The following CDHR1 variants were observed in gnomAD, a reference collection of about 807,000 sequenced individuals.
CDHR1 encodes the protein cadherin-related family member 1.
Under a neutral mutation model 72.1 loss-of-function variants are expected in CDHR1, and 61 were observed. The ratio of observed to expected loss-of-function variants is 0.85; its 90% CI spans 0.69 to 1.05. The LOEUF is 1.05. Among genes scored for constraint, CDHR1 ranks in the 50% least tolerant of loss-of-function variants. The pLI, the probability that CDHR1 is intolerant of heterozygous loss-of-function variation, is 0.00. For missense variants in CDHR1, 1,186 were observed against 1,115.7 expected, an observed-to-expected ratio of 1.06 and a Z score of -0.90; for synonymous variants, 470 against 448.1, an observed-to-expected ratio of 1.05 and a Z score of -0.62.
chr10:84,211,508 G>T (rs1842331007), intron 13 of CDHR1, 140 bp from the exon 14 acceptor site: 4 of 768,202 alleles, frequency 5.2e-6, no homozygotes, highest in Non-Finnish European at 6.8e-6. Flanking sequence ...ATCCCGGGCA[G>T]GTCTCTCCAC....
At chr10:84,207,255 T>G in intron 10 of CDHR1, among the ~76,000 whole-genome samples, 1 of 147,418 alleles carries the variant, frequency 6.8e-6, no homozygotes, top group Non-Finnish European at 1.5e-5. Flanking sequence ...AGGCTGAGAG[T>G]GAGGAGGAGG....
rs561317992 is a variant in CDHR1 at position 84,198,094 on chromosome 10, C to G, written c.348+258C>G. 2.6e-5 allele frequency among the ~76,000 whole-genome samples: 4 copies of G among 152,346 alleles called. No homozygotes were observed. The South Asian group carries it at 8.3e-4, about 32-fold the overall frequency. ...TCTAACCCACATTCCACAGCATCTCCTCAAACTTGCCCTCCCCATCTGCTT... is the reference window on the plus strand; with the variant it reads ...TCTAACCCACATTCCACAGCATCTCGTCAAACTTGCCCTCCCCATCTGCTT... On this transcript the variant is annotated intron_variant, in intron 4 of 16. Coordinates refer to ENST00000623527, the MANE Select transcript of CDHR1 (RefSeq NM_033100.4).
At chr10:84,202,663 C>T (rs1037002656) in intron 7 of CDHR1, among the ~76,000 whole-genome samples, 1 of 152,194 alleles carries the variant, frequency 6.6e-6, no homozygotes, top group Admixed American at 6.5e-5. Context: ...AGAGTAGATC[C>T]TCAGGAGGTG....
Position 84,216,533 on chromosome 10 carries a change from A to T in CDHR1, c.*1912A>T. The T allele has an allele frequency of 1.0e-6, 1 of 985,516 alleles. No homozygotes were observed. 61.0% of individuals were successfully genotyped at this position (985,516 alleles called of 1,614,324 possible). On this transcript the variant is annotated 3_prime_UTR_variant, in exon 17 of 17. Transcript: ENST00000623527. The stretch of plus-strand genomic sequence containing the variant: ...AGTCTGTTACCCAAAGGCCATGCTG[A>T]TCCCCTGCTCCCTGCTTTCATTTAT...
chr10:84,196,418 C>CGTTTATAA, intron 2 of CDHR1, 87 bp from the exon 3 acceptor site: 1 of 1,429,582 alleles, frequency 7.0e-7, no homozygotes, highest in Non-Finnish European at 9.9e-7. Context: ...ACTTTATAAA[C>CGTTTATAA]AGCTGAATCG....
intron 6 of CDHR1, among the ~76,000 whole-genome samples, chr10:84,200,937 C>T (rs982620873): frequency 6.6e-6 from 1 of 152,202 alleles, no homozygotes; most frequent in African/African-American, 2.4e-5. Context: ...CTCAGCCCTC[C>T]ACATCCCCAG....
intron 11 of CDHR1, 49 bp from the exon 12 acceptor site, chr10:84,208,680 A>G: frequency 6.3e-7 from 1 of 1,578,238 alleles, no homozygotes; most frequent in Non-Finnish European, 8.7e-7. Flanking sequence ...ATGATTATGA[A>G]TTTCTATCAT....
At chr10:84,219,437 C>T (rs1842475862), downstream of CDHR1, 2 of 1,221,590 alleles carry the variant, frequency 1.6e-6, no homozygotes, top group Non-Finnish European at 2.2e-6. Context: ...ATCCTGACCC[C>T]TCTGTCTCAT....
chr10:84,199,144 G>A lies in CDHR1; in HGVS notation c.438+23G>A, dbSNP rs369280770. On this transcript the variant is annotated intron_variant, in intron 5 of 16. Transcript: ENST00000623527. ...GAGGTAAGTGAGGAGCTGCTAGAGG[G>A]GCTGATTTTCCCACCCAGGCCCATA... 4.5e-6 allele frequency: 7 copies of A among 1,545,544 alleles called. No homozygotes were observed. In the African/African-American group the frequency reaches 8.2e-5, roughly 18 times the overall value.
intron 1 of CDHR1, among the ~76,000 whole-genome samples, chr10:84,195,086 G>T (rs575066770): frequency 1.6e-4 from 25 of 152,364 alleles, no homozygotes; most frequent in African/African-American, 5.8e-4. Context: ...CTCTCCGCTT[G>T]CTGGGAACCA....
In CDHR1 at chr10:84,215,370, T is replaced by C. The variant is rs999156242; in HGVS notation, c.*749T>C. ...CCGCAAAATGTCAAAGCTGGAGCTA[T>C]AGAGGTAGCCCTAAAGGCAACTAGA... On this transcript the variant is annotated 3_prime_UTR_variant, in exon 17 of 17. Transcript: ENST00000623527. 3 of 985,790 alleles carry C rather than the reference T, an allele frequency of 3.0e-6. No individual in the cohort carries two copies. The highest frequency in any genetic ancestry group is 3.6e-6 in the Non-Finnish European group (3 of 830,236). 61.1% of individuals were successfully genotyped at this position (985,790 alleles called of 1,614,324 possible). A position where few individuals can be genotyped will look rare whatever the true frequency, so the allele number is the denominator to read the frequency against.
Position 84,218,481 on chromosome 10 carries a change from G to T in CDHR1, c.*3860G>T. ...TCTTCTGTGCCAGGCTCTCTTCTAGGTGTTAGGTGTATGTCTCTAACAAGA... is the reference window on the plus strand; with the variant it reads ...TCTTCTGTGCCAGGCTCTCTTCTAGTTGTTAGGTGTATGTCTCTAACAAGA... On this transcript the variant is annotated 3_prime_UTR_variant, in exon 17 of 17. Coordinates refer to ENST00000623527, the MANE Select transcript of CDHR1 (RefSeq NM_033100.4). 1 of 985,368 alleles carries T rather than the reference G, an allele frequency of 1.0e-6. No homozygotes were observed. The highest frequency in any genetic ancestry group is 1.2e-6 in the Non-Finnish European group (1 of 829,926). 61.0% of individuals were successfully genotyped at this position (985,368 alleles called of 1,614,324 possible). A position where few individuals can be genotyped will look rare whatever the true frequency, so the allele number is the denominator to read the frequency against.
chr10:84,213,035 G>T, intron 15 of CDHR1, 56 bp from the exon 16 acceptor site: 1 of 1,612,422 alleles, frequency 6.2e-7, no homozygotes, highest in South Asian at 1.1e-5. Flanking sequence ...GATTTAGCCA[G>T]AGTACACAAG....
At chr10:84,203,211 G>T in intron 8 of CDHR1, 88 bp downstream of exon 8, 1 of 1,555,272 alleles carries the variant, frequency 6.4e-7, no homozygotes, top group Non-Finnish European at 8.8e-7. Context: ...GCTGGAGATG[G>T]CTGGTCTGGT....
At chr10:84,203,694 G>A (rs1173535341) in intron 8 of CDHR1, among the ~76,000 whole-genome samples, 2 of 152,206 alleles carry the variant, frequency 1.3e-5, no homozygotes, top group East Asian at 1.9e-4. Flanking sequence ...GAGATTACAG[G>A]TGTGAGCCAC....
chr10:84,203,609 T>A (rs1321134428), intron 8 of CDHR1, among the ~76,000 whole-genome samples: 1 of 152,182 alleles, frequency 6.6e-6, no homozygotes, highest in Non-Finnish European at 1.5e-5. Context: ...GGAGAAGGGG[T>A]TTCACCATGT....
rs1347208736 is a variant in CDHR1 at position 84,208,344 on chromosome 10, G to A, written c.1134G>A (p.Arg378=). The change falls in exon 11 of 17, where the codon CGG becomes CGA. Residue 378 remains arginine, a synonymous_variant. Transcript: ENST00000623527. ...NEHPPQGEIL[R]GLKITVNDSD... Reference sequence around the variant, plus strand: ...ACCCACCCCAGGGAGAGATCCTGCGGGGCCTCAAGATCACCGTCAATGACT... The same window carrying A: ...ACCCACCCCAGGGAGAGATCCTGCGAGGCCTCAAGATCACCGTCAATGACT... 1 of 1,614,138 alleles carries A rather than the reference G, an allele frequency of 6.2e-7. No individual in the cohort carries two copies. Among genetic ancestry groups the A allele is most frequent in the Non-Finnish European group, 8.5e-7 (1 of 1,180,034 alleles).
chr10:84,195,624 C>G, intron 2 of CDHR1, 35 bp downstream of exon 2: 1 of 1,558,518 alleles, frequency 6.4e-7, no homozygotes, highest in Non-Finnish European at 8.8e-7. Context: ...CGATAGGTCT[C>G]CCTGAGGGGT....
chr10:84,200,513 A>T (rs976618483), intron 5 of CDHR1, 88 bp from the exon 6 acceptor site: 14 of 845,830 alleles, frequency 1.7e-5, no homozygotes, highest in Non-Finnish European at 2.8e-5. Flanking sequence ...TCACTCCCCG[A>T]CCCCACTGCT....
Sources: gnomAD v4.1 joint callset for allele counts (sites outside exome capture counted in the v4.1 genomes callset) on GRCh38, gnomAD v4.1.1 for gene constraint, MANE v1.5 for transcripts, NCBI Gene and HGNC (gene_info 2026-07-23, HGNC 2026-07-21) for gene names.